Variants in GLIS2 observed in about 807,000 individuals in gnomAD.
The protein encoded by GLIS2 is GLIS family zinc finger 2.
A neutral mutation model predicts 35.6 loss-of-function variants in GLIS2; 14 were observed. The ratio of observed to expected loss-of-function variants is 0.39; its 90% CI spans 0.26 to 0.61. The LOEUF is 0.61. Ranked by LOEUF, GLIS2 falls within the 20% of genes least tolerant of loss-of-function variation. GLIS2 has a pLI of 0.48. For missense variants in GLIS2, 675 were observed against 713.4 expected, an observed-to-expected ratio of 0.95 and a Z score of 0.61; for synonymous variants, 368 against 325.1, an observed-to-expected ratio of 1.13 and a Z score of -1.42.
Position 4,337,438 on chromosome 16 carries a change from G to C in GLIS2, c.1489G>C (p.Ala497Pro), listed in dbSNP as rs940893069. Residue 497 changes from alanine to proline, a missense_variant, in exon 7 of 7, where the codon GCT becomes CCT. By Grantham distance (27) the Ala-to-Pro change is conservative (BLOSUM62 -1). Transcript: ENST00000433375. ...GGACCTGTCCACGGGCGTCAACTCA[G>C]CTGCCAGCAGCCCAGAGGCGTTGGC... ...VLDLSTGVNS[A>P]ASSPEALAPG... 2 of 1,581,446 alleles carry C rather than the reference G, an allele frequency of 1.3e-6. No individual in the cohort carries two copies. The highest frequency in any genetic ancestry group is 1.3e-5 in the African/African-American group (1 of 74,440).
chr16:4,338,446 G>C lies in GLIS2; in HGVS notation c.*922G>C, dbSNP rs984152806. On this transcript the variant is annotated 3_prime_UTR_variant, in exon 7 of 7. Coordinates refer to ENST00000433375, the MANE Select transcript of GLIS2 (RefSeq NM_032575.3). ...GGCAGCGCCCCCTGCAGAGGCCTTT[G>C]GGTCCTTGGTCCTGTAACAGGAAGG... is the stretch of plus-strand genomic sequence containing the variant. The C allele has an allele frequency of 6.6e-6, 1 of 152,658 alleles. No individual in the cohort carries two copies. The highest frequency in any genetic ancestry group is 1.5e-5 in the Non-Finnish European group (1 of 68,410). The allele number at this position is 152,658 out of a possible 1,614,324, so 9.5% of individuals were successfully genotyped here. A position where few individuals can be genotyped will look rare whatever the true frequency, so the allele number is the denominator to read the frequency against.
chr16:4,330,638 A>C (rs1792836921), intron 1 of GLIS2, among the ~76,000 whole-genome samples: 1 of 152,016 alleles, frequency 6.6e-6, no homozygotes, highest in Non-Finnish European at 1.5e-5. Flanking sequence ...ATTTCAGAGG[A>C]TGCTCCTTGC....
chr16:4,336,398 TG>T (rs1156828184), intron 6 of GLIS2: 3 of 518,162 alleles, frequency 5.8e-6, no homozygotes, highest in Non-Finnish European at 1.1e-5. Flanking sequence ...CTGCCTGCCT[TG>T]GCCTCCCAAA....
Position 4,335,465 on chromosome 16 carries a change from A to G in GLIS2, c.775+72A>G. 1 of 1,307,616 alleles carries G rather than the reference A, an allele frequency of 7.6e-7. No individual in the cohort carries two copies. Among genetic ancestry groups the G allele is most frequent in the Non-Finnish European group, 1.1e-6 (1 of 905,114 alleles). 81.0% of individuals were successfully genotyped at this position (1,307,616 alleles called of 1,614,324 possible). The stretch of plus-strand genomic sequence containing the variant: ...GCTGAGACCGGCTGGGCAGGTCCCC[A>G]GGGGGAGGGGACTGTTAAGTAAATC... On this transcript the variant is annotated intron_variant, in intron 6 of 6. Coordinates refer to ENST00000433375, the MANE Select transcript of GLIS2 (RefSeq NM_032575.3). This position sits in a 1 kb window ranked among gnomAD's most constrained non-coding sequence, Gnocchi z 4.6.
At position 4,332,485 on chromosome 16, in the gene GLIS2, C is replaced by T; in HGVS notation, c.172+33C>T. ...CCCTGGGCAGGGCAGGGGGACTTAG[C>T]CCTGATCCAGTCATGGTGACAGGGA... On this transcript the variant is annotated intron_variant, in intron 2 of 6. Coordinates refer to ENST00000433375, the MANE Select transcript of GLIS2 (RefSeq NM_032575.3). This position sits in a 1 kb window ranked among gnomAD's most constrained non-coding sequence, Gnocchi z 5.4. 1 of 1,604,214 alleles carries T rather than the reference C, an allele frequency of 6.2e-7. No homozygotes were observed. Among genetic ancestry groups the T allele is most frequent in the Non-Finnish European group, 8.5e-7 (1 of 1,178,350 alleles).
intron 1 of GLIS2, among the ~76,000 whole-genome samples, chr16:4,323,908 G>A (rs1202916447): frequency 6.6e-6 from 1 of 152,182 alleles, no homozygotes; most frequent in African/African-American, 2.4e-5. Flanking sequence ...TACCTACAAG[G>A]AAACCAAGGC....
In GLIS2 at chr16:4,337,623, C is replaced by T; in HGVS notation, c.*99C>T. The T allele has an allele frequency of 6.7e-7, 1 of 1,495,080 alleles. No homozygotes were observed. The highest frequency in any genetic ancestry group is 9.0e-7 in the Non-Finnish European group (1 of 1,111,726). The allele number at this position is 1,495,080 out of a possible 1,614,324, so 92.6% of individuals were successfully genotyped here. On this transcript the variant is annotated 3_prime_UTR_variant, in exon 7 of 7. Coordinates refer to ENST00000433375, the MANE Select transcript of GLIS2 (RefSeq NM_032575.3). ...GTGAAATAGCAATAATGTCCTACTGCCCGGGCAGCCCCAGCCCAGCCCGCC... is the reference window on the plus strand; with the variant it reads ...GTGAAATAGCAATAATGTCCTACTGTCCGGGCAGCCCCAGCCCAGCCCGCC...
rs750742689 is a variant in GLIS2, at chr16:4,335,107, C to T, written c.570C>T (p.Asn190=). The change falls in exon 5 of 7, where the codon AAC becomes AAT. Residue 190 remains asparagine, a synonymous_variant. Coordinates refer to ENST00000433375, the MANE Select transcript of GLIS2 (RefSeq NM_032575.3). This position sits in a 1 kb window ranked among gnomAD's most constrained non-coding sequence, Gnocchi z 4.6. The part of the protein sequence containing the change: ...ELLQDLVDHV[N]DYHVKPEKDA... ...TGCAAGACCTGGTGGACCATGTCAA[C>T]GATTACCATGTCAAGCCCGAGAAGG... 1.1e-5 allele frequency: 17 copies of T among 1,613,342 alleles called. No homozygotes were observed. The highest frequency in any genetic ancestry group is 1.6e-4 in the Middle Eastern group (1 of 6,084).
chr16:4,335,402 C>A lies in GLIS2; in HGVS notation c.775+9C>A. 1 of 1,612,982 alleles carries A rather than the reference C, an allele frequency of 6.2e-7. No homozygotes were observed. Among genetic ancestry groups the A allele is most frequent in the Non-Finnish European group, 8.5e-7 (1 of 1,179,726 alleles). On this transcript the variant is annotated intron_variant, in intron 6 of 6. Transcript: ENST00000433375. This position sits in a 1 kb window ranked among gnomAD's most constrained non-coding sequence, Gnocchi z 4.6. Reference sequence around the variant, plus strand: ...CAACCGGTCGCACACAGGTAAGAGGCCGGGGCCGGGCGGCTTGGCCCATGA... The same window carrying A: ...CAACCGGTCGCACACAGGTAAGAGGACGGGGCCGGGCGGCTTGGCCCATGA...
At chr16:4,324,969 C>T (rs572090227) in intron 1 of GLIS2, among the ~76,000 whole-genome samples, 130 of 152,326 alleles carry the variant, frequency 8.5e-4, no homozygotes, top group African/African-American at 3.0e-3. Context: ...CAGGCCCTGC[C>T]CCTGCCCGCC....
chr16:4,333,517 T>C lies in GLIS2; in HGVS notation c.343T>C (p.Ser115Pro), dbSNP rs1348763705. Reference sequence around the variant, plus strand: ...GGACCTGCCTCCAGTGCCCAGTGCCTCGGTAAGGAGGGGTGAGAGTTCCGG... The same window carrying C: ...GGACCTGCCTCCAGTGCCCAGTGCCCCGGTAAGGAGGGGTGAGAGTTCCGG... ...NGDLPPVPSA[S>P]DFQPLRYLDG... Residue 115 changes from serine to proline, a missense_variant and splice_region_variant, in exon 3 of 7, where the codon TCG becomes CCG. Transcript: ENST00000433375. The C allele has an allele frequency of 6.2e-7, 1 of 1,609,010 alleles. No homozygotes were observed. The highest frequency in any genetic ancestry group is 2.2e-5 in the East Asian group (1 of 44,768).
At chr16:4,336,697 G>C (rs780315524) in intron 6 of GLIS2, 28 bp from the exon 7 acceptor site, 16 of 1,570,326 alleles carry the variant, frequency 1.0e-5, no homozygotes. Flanking sequence ...GACCCCTCAT[G>C]GCGGCACTGC....
chr16:4,319,004 G>A (rs2053346269), intron 1 of GLIS2, among the ~76,000 whole-genome samples: 1 of 152,104 alleles, frequency 6.6e-6, no homozygotes, highest in South Asian at 2.1e-4. Flanking sequence ...TCCTGGGGAG[G>A]CACTTTTGTG....
chr16:4,331,815 G>A (rs994598706), intron 1 of GLIS2: 4 of 222,734 alleles, frequency 1.8e-5, no homozygotes, highest in South Asian at 6.7e-5. Flanking sequence ...AGCCAGGAGC[G>A]GTGCCTGCCT....
At chr16:4,317,387 T>C (rs1597330077) in intron 1 of GLIS2, among the ~76,000 whole-genome samples, 1 of 152,150 alleles carries the variant, frequency 6.6e-6, no homozygotes, top group South Asian at 2.1e-4. Flanking sequence ...CCATCCTGCG[T>C]GTCCTGGCAT....
chr16:4,324,382 G>C (rs911461820), intron 1 of GLIS2, among the ~76,000 whole-genome samples: 1 of 152,194 alleles, frequency 6.6e-6, no homozygotes, highest in South Asian at 2.1e-4. Flanking sequence ...AGGCCTTCCC[G>C]GGGCCTTGTA....
intron 3 of GLIS2, among the ~76,000 whole-genome samples, 199 bp downstream of exon 3, chr16:4,333,718 T>C (rs776704274): frequency 2.6e-5 from 4 of 152,180 alleles, no homozygotes; most frequent in Non-Finnish European, 5.9e-5. Context: ...TGGAAATGCC[T>C]GGCACTCTAG....
At chr16:4,319,512 G>A (rs370867905) in intron 1 of GLIS2, among the ~76,000 whole-genome samples, 28 of 152,250 alleles carry the variant, frequency 1.8e-4, no homozygotes, top group Admixed American at 6.5e-4. Context: ...GGGAACTTGC[G>A]CCCTGCCCCA....
At position 4,333,533 on chromosome 16, in the gene GLIS2, A is replaced by G; in HGVS notation, c.345+14A>G. On this transcript the variant is annotated intron_variant, in intron 3 of 6. Coordinates refer to ENST00000433375, the MANE Select transcript of GLIS2 (RefSeq NM_032575.3). ...CCCAGTGCCTCGGTAAGGAGGGGTGAGAGTTCCGGAGAGAGGGGTGGACTG... is the reference window on the plus strand; with the variant it reads ...CCCAGTGCCTCGGTAAGGAGGGGTGGGAGTTCCGGAGAGAGGGGTGGACTG... 1 of 1,601,432 alleles carries G rather than the reference A, an allele frequency of 6.2e-7. No individual in the cohort carries two copies. The highest frequency in any genetic ancestry group is 8.5e-7 in the Non-Finnish European group (1 of 1,173,494).
Sources: allele counts gnomAD v4.1 joint callset (sites outside exome capture counted in the v4.1 genomes callset), GRCh38; gene constraint gnomAD v4.1.1; non-coding constraint Gnocchi (gnomAD v3.1); transcripts MANE v1.5; gene names NCBI Gene and HGNC (gene_info 2026-07-23, HGNC 2026-07-21).